Variants in TRDN observed in about 807,000 individuals in gnomAD.
TRDN encodes triadin in skeletal muscle.
A neutral mutation model predicts 149.7 loss-of-function variants in TRDN; 161 were observed. That is an observed-to-expected ratio of 1.08 (90% CI 0.95 to 1.23). The LOEUF is 1.23. TRDN is among the 50% of genes most tolerant of loss of function. TRDN has a pLI of 0.00. For missense variants in TRDN, 896 were observed against 823.5 expected, an observed-to-expected ratio of 1.09 and a Z score of -1.08; for synonymous variants, 294 against 250.5, an observed-to-expected ratio of 1.17 and a Z score of -1.64.
intron 36 of TRDN, 53 bp from the exon 37 acceptor site, chr6:123,255,178 A>C (rs1004865799): frequency 1.1e-6 from 1 of 917,108 alleles, no homozygotes; most frequent in African/African-American, 1.7e-5. Flanking sequence ...GTAAATTTCC[A>C]TCAAAATTTT....
At chr6:123,391,010 C>T (rs1782092355) in intron 13 of TRDN, among the ~76,000 whole-genome samples, 1 of 152,056 alleles carries the variant, frequency 6.6e-6, no homozygotes, top group Non-Finnish European at 1.5e-5. Flanking sequence ...CATGTGTTCT[C>T]TCTTTGGCAT....
At chr6:123,490,947 A>G (rs1413456364) in intron 9 of TRDN, among the ~76,000 whole-genome samples, 4 of 152,082 alleles carry the variant, frequency 2.6e-5, no homozygotes, top group Non-Finnish European at 5.9e-5. Context: ...TACTAAAAAT[A>G]GAAAAAAAAT....
intron 30 of TRDN, among the ~76,000 whole-genome samples, chr6:123,270,650 T>A (rs111548526): frequency 6.4e-4 from 97 of 152,034 alleles, no homozygotes; most frequent in African/African-American, 2.3e-3. Flanking sequence ...AGATGGAGTG[T>A]TTTTACTTTA....
intron 1 of TRDN, among the ~76,000 whole-genome samples, chr6:123,579,037 A>C (rs1406447086): frequency 6.6e-6 from 1 of 152,176 alleles, no homozygotes; most frequent in Admixed American, 6.6e-5. Context: ...TATCAGCTTA[A>C]GGAGCTTTCA....
rs917869995 is a variant in TRDN, at chr6:123,279,203, C to T, written c.1511-121G>A. On this transcript the variant is annotated intron_variant, in intron 24 of 40. Coordinates refer to ENST00000334268, the MANE Select transcript of TRDN (RefSeq NM_006073.4). ...TGAAACAATGTAGACCCCACCTATC[C>T]TTTTTTGTTGAAATTCTATAGAATG... The T allele has an allele frequency of 5.3e-5, 41 of 772,698 alleles. No individual in the cohort carries two copies. In the East Asian group the frequency reaches 9.8e-4, roughly 18 times the overall value. The allele number at this position is 772,698 out of a possible 1,614,324, so 47.9% of individuals were successfully genotyped here.
At chr6:123,632,343 A>G (rs1786050328) in intron 1 of TRDN, among the ~76,000 whole-genome samples, 1 of 151,854 alleles carries the variant, frequency 6.6e-6, no homozygotes, top group African/African-American at 2.4e-5. Context: ...CAGAAGAGTC[A>G]GTTCTAGCTA....
At chr6:123,309,924 G>A (rs888892069) in intron 24 of TRDN, among the ~76,000 whole-genome samples, 8 of 151,972 alleles carry the variant, frequency 5.3e-5, no homozygotes, top group Non-Finnish European at 1.2e-4. Context: ...AAGGTGCCAT[G>A]CACAGTCAAG....
At chr6:123,580,138 C>T (rs1422722400) in intron 1 of TRDN, among the ~76,000 whole-genome samples, 2 of 152,108 alleles carry the variant, frequency 1.3e-5, no homozygotes, top group African/African-American at 4.8e-5. Context: ...TCTATCTGGT[C>T]CCAGGCTTTT....
chr6:123,224,334 C>T (rs1481621220), intron 38 of TRDN, among the ~76,000 whole-genome samples: 10 of 151,710 alleles, frequency 6.6e-5, no homozygotes, highest in Admixed American at 6.6e-4. Context: ...ATGATGAGTG[C>T]TGCACTATGG....
intron 32 of TRDN, 54 bp from the exon 33 acceptor site, chr6:123,265,392 G>C: frequency 1.7e-6 from 2 of 1,196,582 alleles, no homozygotes; most frequent in Non-Finnish European, 1.1e-6. Flanking sequence ...TCTATCTATG[G>C]GTGACATATC....
At chr6:123,274,703 C>A (rs998388852) in intron 26 of TRDN, 33 bp from the exon 27 acceptor site, 3 of 1,580,674 alleles carry the variant, frequency 1.9e-6, no homozygotes, top group Non-Finnish European at 1.7e-6. Context: ...AATTTAAAAC[C>A]TGAAAAAATA....
chr6:123,352,433 T>C (rs1019491186), intron 21 of TRDN, 106 bp downstream of exon 21: 4 of 1,503,232 alleles, frequency 2.7e-6, no homozygotes, highest in Non-Finnish European at 3.5e-6. Flanking sequence ...TAAAGAGTAA[T>C]AGACTTAAAG....
At chr6:123,458,191 C>A (rs1776244652) in intron 10 of TRDN, among the ~76,000 whole-genome samples, 1 of 152,104 alleles carries the variant, frequency 6.6e-6, no homozygotes, top group Non-Finnish European at 1.5e-5. Flanking sequence ...GCCTGTTATA[C>A]CCTTTTCTCT....
intron 4 of TRDN, among the ~76,000 whole-genome samples, chr6:123,539,826 C>T (rs1260436636): frequency 1.3e-5 from 2 of 152,122 alleles, no homozygotes; most frequent in Non-Finnish European, 2.9e-5. Flanking sequence ...ACTCACTGGC[C>T]TCAGGATGCA....
At chr6:123,282,865 A>G (rs929238169) in intron 24 of TRDN, among the ~76,000 whole-genome samples, 1 of 151,900 alleles carries the variant, frequency 6.6e-6, no homozygotes, top group Non-Finnish European at 1.5e-5. Context: ...TGGGGCATAT[A>G]ACACATATAA....
chr6:123,383,988 A>C (rs555820475), intron 14 of TRDN, among the ~76,000 whole-genome samples: 2 of 152,284 alleles, frequency 1.3e-5, no homozygotes, highest in South Asian at 4.1e-4. Context: ...ATTTTTCTTA[A>C]TTAACCCCAG....
At chr6:123,561,839 CAT>C (rs1271871142) in intron 2 of TRDN, among the ~76,000 whole-genome samples, 1 of 152,090 alleles carries the variant, frequency 6.6e-6, no homozygotes, top group Non-Finnish European at 1.5e-5. Flanking sequence ...CCCTGTGAAA[CAT>C]CGCTCATTAT....
intron 38 of TRDN, among the ~76,000 whole-genome samples, chr6:123,238,623 T>A (rs1775876623): frequency 1.3e-5 from 2 of 152,100 alleles, no homozygotes; most frequent in Non-Finnish European, 2.9e-5. Context: ...ATGTAAATAG[T>A]CTACGTCCAT....
At chr6:123,467,454 T>A (rs1776892417) in intron 9 of TRDN, among the ~76,000 whole-genome samples, 1 of 152,008 alleles carries the variant, frequency 6.6e-6, no homozygotes, top group Non-Finnish European at 1.5e-5. Context: ...TTTATTCTGC[T>A]CTCTAACATG....
Sources: gnomAD v4.1 joint callset for allele counts (sites outside exome capture counted in the v4.1 genomes callset) on GRCh38, gnomAD v4.1.1 for gene constraint, MANE v1.5 for transcripts, NCBI Gene and HGNC (gene_info 2026-07-23, HGNC 2026-07-21) for gene names.